The following ABCA13 variants were observed in gnomAD, a reference collection of about 807,000 sequenced individuals.
ABCA13 encodes ATP-binding cassette sub-family A member 13.
ABCA13 carries 476 observed loss-of-function variants against 478.7 expected under a neutral mutation model. The ratio of observed to expected loss-of-function variants is 0.99; its 90% CI spans 0.92 to 1.07. ABCA13 has a LOEUF of 1.07. Among genes scored for constraint, ABCA13 ranks in the 50% least tolerant of loss-of-function variants. The pLI, the probability that ABCA13 is intolerant of heterozygous loss-of-function variation, is 0.00. For missense variants in ABCA13, 6,060 were observed against 5,910.6 expected (o/e 1.03, Z -0.83); for synonymous variants, 2,252 against 2,158.9 (o/e 1.04, Z -1.20).
At chr7:48,495,912 A>T (rs557752884) in intron 48 of ABCA13, among the ~76,000 whole-genome samples, 1 of 152,182 alleles carries the variant, frequency 6.6e-6, no homozygotes, top group African/African-American at 2.4e-5. Context: ...TGATCTCAAC[A>T]TAGTCACTCC....
intron 23 of ABCA13, among the ~76,000 whole-genome samples, chr7:48,308,663 T>C (rs2128876368): frequency 6.6e-6 from 1 of 152,196 alleles, no homozygotes; most frequent in South Asian, 2.1e-4. Context: ...TACCACCGTA[T>C]ATGTGGTTTG....
At chr7:48,626,840 A>G in intron 59 of ABCA13, 1 of 985,458 alleles carries the variant, frequency 1.0e-6, no homozygotes, top group Non-Finnish European at 1.2e-6. Flanking sequence ...GTTCCTAGGG[A>G]CACTGATGGG....
chr7:48,218,432 C>G (rs1325811055), intron 3 of ABCA13, among the ~76,000 whole-genome samples: 1 of 152,120 alleles, frequency 6.6e-6, no homozygotes, highest in Non-Finnish European at 1.5e-5. Flanking sequence ...GCCTGTAATC[C>G]CATACTTTGG....
intron 31 of ABCA13, among the ~76,000 whole-genome samples, chr7:48,358,175 A>G (rs533707796): frequency 7.6e-6 from 1 of 132,444 alleles, no homozygotes; most frequent in Non-Finnish European, 1.7e-5. Flanking sequence ...AAAGGACAGG[A>G]CAGGACAGGA....
intron 42 of ABCA13, among the ~76,000 whole-genome samples, chr7:48,445,283 A>G (rs575443396): frequency 3.9e-5 from 6 of 152,144 alleles, no homozygotes; most frequent in Non-Finnish European, 7.4e-5. Context: ...TGCTGGGATT[A>G]CAGGCATGAG....
intron 3 of ABCA13, among the ~76,000 whole-genome samples, chr7:48,206,957 C>T (rs1161078943): frequency 6.6e-6 from 1 of 152,124 alleles, no homozygotes; most frequent in Non-Finnish European, 1.5e-5. Flanking sequence ...CCCTCTATAT[C>T]TCCCACCTCA....
At chr7:48,420,060 C>G (rs1484257830) in intron 41 of ABCA13, among the ~76,000 whole-genome samples, 2 of 152,130 alleles carry the variant, frequency 1.3e-5, no homozygotes, top group African/African-American at 4.8e-5. Context: ...TTTCTTATGT[C>G]TGATACACAG....
intron 19 of ABCA13, among the ~76,000 whole-genome samples, chr7:48,285,455 T>C (rs973489657): frequency 6.6e-6 from 1 of 152,184 alleles, no homozygotes; most frequent in Admixed American, 6.5e-5. Context: ...TTGTCAAGTG[T>C]CCTTGAGGGT....
At chr7:48,174,661 A>G (rs1794603975) in intron 1 of ABCA13, among the ~76,000 whole-genome samples, 2 of 152,156 alleles carry the variant, frequency 1.3e-5, no homozygotes, top group Admixed American at 1.3e-4. Context: ...TACTAAAACA[A>G]AAGATAAACA....
chr7:48,556,250 C>T (rs539985503), intron 55 of ABCA13, among the ~76,000 whole-genome samples: 45 of 151,922 alleles, frequency 3.0e-4, no homozygotes, highest in African/African-American at 9.2e-4. Flanking sequence ...CAGTGATCTA[C>T]GTGCTGAGAA....
chr7:48,508,022 C>A lies in ABCA13; in HGVS notation c.13497C>A (p.Tyr4499Ter), dbSNP rs1489095787. ...QHISGLGYRM[Y>*]WFTNFLYDML... ...TAAGTGGCCTTGGCTACAGGATGTA[C>A]TGGTTCACAAACTTCCTATATGACA... The change falls in exon 50 of 62, where the codon TAC becomes TAA. Residue 4499 changes from tyrosine to a stop codon, truncating the protein, a stop_gained. Transcript: ENST00000435803. LOFTEE classifies it high-confidence loss of function. 8.1e-6 allele frequency: 13 copies of A among 1,613,720 alleles called. No homozygotes were observed. Among genetic ancestry groups the A allele is most frequent in the Non-Finnish European group, 9.3e-6 (11 of 1,179,834 alleles).
At chr7:48,355,028 A>C (rs111573090) in intron 31 of ABCA13, among the ~76,000 whole-genome samples, 2,729 of 152,172 alleles carry the variant, frequency 0.018, 129 homozygotes, top group African/African-American at 0.063. Context: ...TAAGTAAATC[A>C]GTAAAGAAAA....
intron 56 of ABCA13, among the ~76,000 whole-genome samples, chr7:48,583,027 T>C (rs1458086520): frequency 6.6e-6 from 1 of 152,170 alleles, no homozygotes; most frequent in African/African-American, 2.4e-5. Flanking sequence ...AGTTTCAATG[T>C]TAGTGTCATA....
In ABCA13 at chr7:48,204,215, AT is replaced by A. The variant is rs1185744775; in HGVS notation, c.287+5869del. ...CCAACCTCCGCCTCCTAGACTTATA[AT>A]TTTTTTTTTTTTTGAGACAGTCTGG... On this transcript the variant is annotated intron_variant, in intron 3 of 61. Coordinates refer to ENST00000435803, the MANE Select transcript of ABCA13 (RefSeq NM_152701.5). Among the ~76,000 whole-genome samples, 883 of 134,042 alleles carry A rather than the reference AT, an allele frequency of 6.6e-3. 10 individuals carry two copies. Among genetic ancestry groups the A allele is most frequent in the African/African-American group, 0.019 (680 of 36,152 alleles). 87.9% of individuals were successfully genotyped at this position (134,042 alleles called of 152,430 possible). A position where few individuals can be genotyped will look rare whatever the true frequency, so the allele number is the denominator to read the frequency against.
At chr7:48,626,417 C>T (rs1034496728) in intron 59 of ABCA13, among the ~76,000 whole-genome samples, 3 of 152,040 alleles carry the variant, frequency 2.0e-5, no homozygotes, top group Admixed American at 2.0e-4. Flanking sequence ...TTTGAAATAG[C>T]TTGATGGCAA....
Position 48,481,139 on chromosome 7 carries a change from C to T in ABCA13, c.13079C>T (p.Pro4360Leu). The part of the protein sequence containing the change: ...GFNMEEYLLA[P>L]SEKPRLGGWS... Reference sequence around the variant, plus strand: ...AATATGGAGGAGTACTTGCTGGCACCATCTGAAAAACCAAGGTGTGTTCAA... The same window carrying T: ...AATATGGAGGAGTACTTGCTGGCACTATCTGAAAAACCAAGGTGTGTTCAA... Residue 4360 changes from proline (P) to leucine (L), a missense_variant, in exon 46 of 62, where the codon CCA (proline) becomes CTA (leucine). Pro to Leu is a moderately conservative substitution (Grantham distance 98). Transcript: ENST00000435803. 6.3e-7 allele frequency: 1 copy of T among 1,585,194 alleles called. No individual in the cohort carries two copies. The highest frequency in any genetic ancestry group is 8.6e-7 in the Non-Finnish European group (1 of 1,164,708).
chr7:48,363,103 A>G (rs558821736), intron 31 of ABCA13, among the ~76,000 whole-genome samples: 31 of 152,240 alleles, frequency 2.0e-4, no homozygotes, highest in African/African-American at 7.0e-4. Context: ...ACTGTAATTT[A>G]CCAGTCATCA....
chr7:48,385,943 C>A (rs1400016074), intron 35 of ABCA13, among the ~76,000 whole-genome samples: 8 of 152,028 alleles, frequency 5.3e-5, no homozygotes, highest in Non-Finnish European at 8.8e-5. Context: ...GATTATCAGC[C>A]CCATGTATGT....
chr7:48,423,522 A>C (rs1821039975), intron 41 of ABCA13, among the ~76,000 whole-genome samples: 1 of 152,130 alleles, frequency 6.6e-6, no homozygotes, highest in Admixed American at 6.5e-5. Context: ...TTAAACAGAG[A>C]ACCCAAAAGG....
Sources: allele counts gnomAD v4.1 joint callset (sites outside exome capture counted in the v4.1 genomes callset), GRCh38; gene constraint gnomAD v4.1.1; transcripts MANE v1.5; gene names NCBI Gene and HGNC (gene_info 2026-07-23, HGNC 2026-07-21).